ZNF385D: variants seen among roughly 807,000 people sequenced by gnomAD.
The protein encoded by ZNF385D is zinc finger protein 385D, also known as zinc finger protein 659.
Under a neutral mutation model 35.8 loss-of-function variants are expected in ZNF385D, and 15 were observed. The ratio of observed to expected loss-of-function variants is 0.42; its 90% CI spans 0.28 to 0.64. The LOEUF (loss-of-function observed/expected upper bound fraction) is 0.64. Among genes scored for constraint, ZNF385D ranks in the 30% least tolerant of loss-of-function variants. ZNF385D has a pLI of 0.23. For missense variants in ZNF385D, 474 were observed against 494.6 expected, an observed-to-expected ratio of 0.96 and a Z score of 0.39; for synonymous variants, 212 against 186.8, an observed-to-expected ratio of 1.13 and a Z score of -1.10.
At chr3:22,320,441 G>T (rs1042482340) in intron 2 of ZNF385D, among the ~76,000 whole-genome samples, 2 of 151,444 alleles carry the variant, frequency 1.3e-5, no homozygotes, top group African/African-American at 2.4e-5. Context: ...TCTAATTTGT[G>T]GTCTGGCAGT....
chr3:21,564,169 A>G (rs1488795880), intron 3 of ZNF385D, among the ~76,000 whole-genome samples: 1 of 152,120 alleles, frequency 6.6e-6, no homozygotes, highest in Non-Finnish European at 1.5e-5. Context: ...CCAGGCAAAA[A>G]AAGTTTATAA....
At chr3:21,752,818 G>A (rs896485249), upstream of ZNF385D, among the ~76,000 whole-genome samples, 17 of 152,052 alleles carry the variant, frequency 1.1e-4, no homozygotes, top group African/African-American at 1.9e-4. Flanking sequence ...AAGAAAATGC[G>A]TAAATGTTTT....
chr3:21,694,576 G>T (rs1431007737), intron 1 of ZNF385D, among the ~76,000 whole-genome samples: 1 of 152,122 alleles, frequency 6.6e-6, no homozygotes, highest in Non-Finnish European at 1.5e-5. Context: ...GCTCGATAGA[G>T]AAAGACAATT....
At chr3:21,789,389 C>G (rs2071829276) in intron 3 of ZNF385D, among the ~76,000 whole-genome samples, 1 of 152,090 alleles carries the variant, frequency 6.6e-6, no homozygotes, top group Non-Finnish European at 1.5e-5. Context: ...CTGATCAGTA[C>G]TTGGGAGTGG....
chr3:22,006,521 T>C (rs537879824), intron 3 of ZNF385D, among the ~76,000 whole-genome samples: 12 of 151,862 alleles, frequency 7.9e-5, no homozygotes, highest in African/African-American at 2.7e-4. Flanking sequence ...ATTACAGTAA[T>C]AAATGAAGAA....
At chr3:21,666,568 TATA>T (rs1208184952) in intron 1 of ZNF385D, among the ~76,000 whole-genome samples, 1 of 152,144 alleles carries the variant, frequency 6.6e-6, no homozygotes, top group Non-Finnish European at 1.5e-5. Context: ...AACAACGAAA[TATA>T]ATAAGTCTAC....
chr3:22,161,497 T>A (rs1705945855), intron 3 of ZNF385D, among the ~76,000 whole-genome samples: 1 of 152,070 alleles, frequency 6.6e-6, no homozygotes, highest in African/African-American at 2.4e-5. Flanking sequence ...GCAGTCTGTA[T>A]TGTTTCCTAG....
At chr3:22,213,457 T>A (rs1001675909) in intron 2 of ZNF385D, among the ~76,000 whole-genome samples, 1 of 152,064 alleles carries the variant, frequency 6.6e-6, no homozygotes, top group East Asian at 1.9e-4. Flanking sequence ...CTTCTAGAAA[T>A]AGAATACTTC....
intron 1 of ZNF385D, among the ~76,000 whole-genome samples, chr3:21,688,152 A>T (rs1027647026): frequency 6.6e-5 from 10 of 152,072 alleles, no homozygotes; most frequent in Middle Eastern, 3.4e-3. Flanking sequence ...TTCTTTTTTT[A>T]AAAAAACTAT....
intron 3 of ZNF385D, among the ~76,000 whole-genome samples, chr3:21,947,061 T>C (rs1392681055): frequency 6.6e-6 from 1 of 152,160 alleles, no homozygotes; most frequent in Non-Finnish European, 1.5e-5. Context: ...ATTTCTTTCT[T>C]AACCTAAATT....
At chr3:22,285,761 C>T (rs1415181896) in intron 2 of ZNF385D, among the ~76,000 whole-genome samples, 1 of 152,016 alleles carries the variant, frequency 6.6e-6, no homozygotes, top group Non-Finnish European at 1.5e-5. Context: ...TAGAAATTAA[C>T]ATTCACTTTG....
rs555683959 is a variant in ZNF385D at position 21,981,842 on chromosome 3, T to C, written c.325+186975A>G. Among the ~76,000 whole-genome samples the C allele has an allele frequency of 6.6e-5, 10 of 152,328 alleles. No homozygotes were observed. In the South Asian group the frequency reaches 2.1e-3, roughly 32 times the overall value. On this transcript the variant is annotated intron_variant, in intron 3 of 5. Transcript: ENST00000494108. ...GAAGTCTTTTCACCATTACTTGTTT[T>C]TGTCAGCTTTGTTGACGATCAGATG...
intron 3 of ZNF385D, among the ~76,000 whole-genome samples, chr3:21,841,943 TACAC>T (rs1695708723): frequency 6.6e-6 from 1 of 151,658 alleles, no homozygotes; most frequent in African/African-American, 2.4e-5. Context: ...TACATATATA[TACAC>T]ACATACACAA....
intron 3 of ZNF385D, among the ~76,000 whole-genome samples, chr3:21,920,324 T>G (rs1253872781): frequency 6.6e-6 from 1 of 152,114 alleles, no homozygotes; most frequent in East Asian, 1.9e-4. Context: ...TGATAAATAT[T>G]TTTGAAGGAA....
chr3:21,664,923 G>A lies in ZNF385D; in HGVS notation c.128C>T (p.Thr43Ile), dbSNP rs2066358044. ...IKPFLPFPLD[T>I]AAAVNLFPNF... ...GGGGAAGAGGTTGACTGCAGCTGCA[G>A]TGTCAAGAGGAAAGGGAAGAAATGG... Residue 43 changes from threonine to isoleucine, a missense_variant, in exon 2 of 8, where the codon ACT (threonine) becomes ATT (isoleucine). Physicochemically the swap from Thr to Ile is moderately conservative, Grantham distance 89. Coordinates refer to ENST00000281523, the MANE Select transcript of ZNF385D (RefSeq NM_024697.3). 3 of 1,613,694 alleles carry A rather than the reference G, an allele frequency of 1.9e-6. No individual in the cohort carries two copies. The highest frequency in any genetic ancestry group is 2.5e-6 in the Non-Finnish European group (3 of 1,179,768).
At chr3:21,747,314 A>C (rs2125543818) in intron 1 of ZNF385D, among the ~76,000 whole-genome samples, 1 of 152,316 alleles carries the variant, frequency 6.6e-6, no homozygotes, top group Non-Finnish European at 1.5e-5. Flanking sequence ...TTCTGTTTAA[A>C]GTGTATCATT....
intron 2 of ZNF385D, among the ~76,000 whole-genome samples, chr3:21,591,561 A>G (rs1003979266): frequency 3.9e-5 from 6 of 152,196 alleles, no homozygotes; most frequent in Admixed American, 3.9e-4. Context: ...ATGAATATAA[A>G]TTAATTTACT....
intron 3 of ZNF385D, among the ~76,000 whole-genome samples, chr3:22,056,929 A>C (rs1214094301): frequency 6.6e-6 from 1 of 152,230 alleles, no homozygotes; most frequent in Non-Finnish European, 1.5e-5. Context: ...GTCTCTAATC[A>C]CATCATTTTC....
intron 5 of ZNF385D, among the ~76,000 whole-genome samples, chr3:21,426,654 C>A (rs1428172585): frequency 1.3e-5 from 2 of 151,832 alleles, no homozygotes; most frequent in African/African-American, 4.8e-5. Context: ...GTAGTAGTTT[C>A]CCCTGCCTAT....
Sources: gnomAD v4.1 joint callset for allele counts (sites outside exome capture counted in the v4.1 genomes callset) on GRCh38, gnomAD v4.1.1 for gene constraint, MANE v1.5 for transcripts, NCBI Gene and HGNC (gene_info 2026-07-23, HGNC 2026-07-21) for gene names.